Variants in IQUB observed in about 807,000 individuals in gnomAD.
IQUB encodes the protein IQ motif and ubiquitin-like domain-containing protein.
In IQUB, 86 loss-of-function variants were observed where a neutral mutation model predicts 86.4. The ratio of observed to expected loss-of-function variants is 1.00; its 90% confidence interval spans 0.84 to 1.19. The LOEUF is 1.19. Among genes scored for constraint, IQUB ranks in the 50% most tolerant of loss-of-function variants. IQUB has a pLI of 0.00. For synonymous variants in IQUB, 289 were observed against 304.5 expected, an observed-to-expected ratio of 0.95 and a Z score of 0.53; for missense variants, 946 against 916.9, an observed-to-expected ratio of 1.03 and a Z score of -0.41.
At position 123,503,126 on chromosome 7, in the gene IQUB, A is replaced by G; in HGVS notation, c.695-10T>C. 2.5e-6 allele frequency: 4 copies of G among 1,611,202 alleles called. No homozygotes were observed. The highest frequency in any genetic ancestry group is 3.4e-6 in the Non-Finnish European group (4 of 1,178,870). On this transcript the variant is annotated splice_polypyrimidine_tract_variant and intron_variant, in intron 4 of 12. Transcript: ENST00000324698. ...TGGTATTGATCAAGTCCTGAGAGAT[A>G]ACACCAAGATTCAATGAAAGCTCAA...
At chr7:123,524,107 C>T (rs1331046127) in intron 1 of IQUB, among the ~76,000 whole-genome samples, 3 of 147,234 alleles carry the variant, frequency 2.0e-5, no homozygotes, top group Admixed American at 6.8e-5. Context: ...GTTACTGTAG[C>T]CTTGTAGTAT....
chr7:123,533,868 T>A (rs2117417653), intron 1 of IQUB, among the ~76,000 whole-genome samples: 1 of 152,346 alleles, frequency 6.6e-6, no homozygotes, highest in Admixed American at 6.5e-5. Context: ...ATGAAAATGT[T>A]TAAATCTTAT....
At chr7:123,505,042 T>C (rs1449012653) in intron 3 of IQUB, among the ~76,000 whole-genome samples, 1 of 152,200 alleles carries the variant, frequency 6.6e-6, no homozygotes, top group Non-Finnish European at 1.5e-5. Context: ...ACAAAGGGGC[T>C]ACACATCTCA....
intron 8 of IQUB, among the ~76,000 whole-genome samples, chr7:123,479,153 G>A (rs1054370775): frequency 2.6e-5 from 4 of 152,042 alleles, no homozygotes; most frequent in African/African-American, 4.8e-5. Context: ...CCTTTTCTTC[G>A]TAGCTGAATT....
intron 9 of IQUB, among the ~76,000 whole-genome samples, chr7:123,466,923 T>C (rs1447355260): frequency 1.3e-5 from 2 of 152,126 alleles, no homozygotes; most frequent in Admixed American, 6.5e-5. Flanking sequence ...GTATAAACTT[T>C]AGTTAATACC....
chr7:123,524,685 C>G lies in IQUB; in HGVS notation c.-5+9807G>C, dbSNP rs1001043831. ...ACTTCCTCTTTTCCTAATTGAATAG[C>G]CTTTATTTCCTTCTCCTGCCTAATT... is the stretch of plus-strand genomic sequence containing the variant. On this transcript the variant is annotated intron_variant, in intron 1 of 12. Coordinates refer to ENST00000324698, the MANE Select transcript of IQUB (RefSeq NM_178827.5). Among the ~76,000 whole-genome samples, 4 of 150,958 alleles carry G rather than the reference C, an allele frequency of 2.6e-5. No individual in the cohort carries two copies. The East Asian group carries it at 5.8e-4, about 22-fold the overall frequency.
At chr7:123,526,997 C>A (rs867804609) in intron 1 of IQUB, among the ~76,000 whole-genome samples, 6 of 152,188 alleles carry the variant, frequency 3.9e-5, no homozygotes, top group Middle Eastern at 3.4e-3. Flanking sequence ...GTTGAAAATT[C>A]TTTTCTTTAA....
Position 123,512,377 on chromosome 7 carries a change from T to C in IQUB, c.-4-33A>G, listed in dbSNP as rs113472054. ...AAGAAAAATAAACACATTTACTACA[T>C]AGATGAAGTTTCTACACAAAAAATC... On this transcript the variant is annotated intron_variant, in intron 1 of 12. Transcript: ENST00000324698. 3.1e-3 allele frequency: 4,125 copies of C among 1,313,426 alleles called. 96 individuals are homozygous for C. The African/African-American group carries it at 0.053, about 17-fold the overall frequency. 81.4% of individuals were successfully genotyped at this position (1,313,426 alleles called of 1,614,324 possible). A position where few individuals can be genotyped will look rare whatever the true frequency, so the allele number is the denominator to read the frequency against.
At chr7:123,513,132 T>C (rs1796503274) in intron 1 of IQUB, among the ~76,000 whole-genome samples, 1 of 152,026 alleles carries the variant, frequency 6.6e-6, no homozygotes, top group Admixed American at 6.6e-5. Context: ...AGTAGTGAGG[T>C]GGAAAAGCTC....
intron 11 of IQUB, among the ~76,000 whole-genome samples, chr7:123,460,899 G>A (rs912515823): frequency 6.6e-6 from 1 of 151,538 alleles, no homozygotes; most frequent in Non-Finnish European, 1.5e-5. Flanking sequence ...AAAGAACTCT[G>A]GCCAGAAACT....
At chr7:123,528,147 T>C (rs1406086679) in intron 1 of IQUB, among the ~76,000 whole-genome samples, 1 of 152,220 alleles carries the variant, frequency 6.6e-6, no homozygotes, top group Non-Finnish European at 1.5e-5. Flanking sequence ...GCTTCCCAAG[T>C]GAGGCAATGC....
intron 1 of IQUB, among the ~76,000 whole-genome samples, chr7:123,525,951 T>C (rs10808200): frequency 0.79 from 100,288 of 126,598 alleles, 40,377 homozygotes; most frequent in African/African-American, 0.82. Flanking sequence ...GCCTTCATTT[T>C]GTTATGTACC....
At chr7:123,467,340 G>C (rs2117004744) in intron 9 of IQUB, among the ~76,000 whole-genome samples, 1 of 152,090 alleles carries the variant, frequency 6.6e-6, no homozygotes, top group Non-Finnish European at 1.5e-5. Context: ...TCAGCGGCAG[G>C]TTGTGGTAGC....
rs970591199 is a variant in IQUB, at chr7:123,502,698, T to A, written c.922A>T (p.Met308Leu). The A allele has an allele frequency of 6.2e-7, 1 of 1,611,442 alleles. No homozygotes were observed. Among genetic ancestry groups the A allele is most frequent in the African/African-American group, 1.3e-5 (1 of 74,854 alleles). The change falls in exon 6 of 13, where the codon ATG (methionine) becomes TTG (leucine). Residue 308 changes from methionine to leucine, a missense_variant. Coordinates refer to ENST00000324698, the MANE Select transcript of IQUB (RefSeq NM_178827.5). ...GATACATATACACCAATGTTAGTCA[T>A]CTGTGTGGATGTTGTATTTGTAGTT... ...QQTTNTTSTQ[M>L]TNIGVYVSNM...
At chr7:123,471,450 C>A (rs1794517905) in intron 8 of IQUB, among the ~76,000 whole-genome samples, 1 of 152,146 alleles carries the variant, frequency 6.6e-6, no homozygotes, top group South Asian at 2.1e-4. Context: ...ATACAATTTT[C>A]CTCAGGTTTG....
intron 7 of IQUB, among the ~76,000 whole-genome samples, chr7:123,487,043 T>G (rs1278976591): frequency 6.6e-6 from 1 of 152,176 alleles, no homozygotes; most frequent in African/African-American, 2.4e-5. Flanking sequence ...GACTGGATCA[T>G]GAGGGTGAAT....
chr7:123,485,295 T>C (rs891907876), intron 7 of IQUB, among the ~76,000 whole-genome samples: 1 of 152,134 alleles, frequency 6.6e-6, no homozygotes, highest in Non-Finnish European at 1.5e-5. Flanking sequence ...CCTCTACATA[T>C]GCCTGTGTCC....
chr7:123,490,158 T>C (rs1221201677), intron 7 of IQUB, among the ~76,000 whole-genome samples: 1 of 151,860 alleles, frequency 6.6e-6, no homozygotes, highest in Non-Finnish European at 1.5e-5. Context: ...AAAAAACACA[T>C]TTTGAATATA....
In IQUB at chr7:123,464,894, G is replaced by T; in HGVS notation, c.1697C>A (p.Thr566Lys). 1 of 1,606,954 alleles carries T rather than the reference G, an allele frequency of 6.2e-7. No individual in the cohort carries two copies. The highest frequency in any genetic ancestry group is 8.5e-7 in the Non-Finnish European group (1 of 1,176,680). The change falls in exon 10 of 13, where the codon ACA becomes AAA. Residue 566 changes from threonine to lysine, a missense_variant. Coordinates refer to ENST00000324698, the MANE Select transcript of IQUB (RefSeq NM_178827.5). ...TGTTTTGATATAATGAAAAAAGAGT[G>T]TCGCAATTCTTTTTCTGAGTCCTTC... ...NLEGLRKRIA[T>K]LFFHYIKTPL...
Sources: allele counts gnomAD v4.1 joint callset (sites outside exome capture counted in the v4.1 genomes callset), GRCh38; gene constraint gnomAD v4.1.1; transcripts MANE v1.5; gene names NCBI Gene and HGNC (gene_info 2026-07-23, HGNC 2026-07-21).